Variants in KRT73 observed in about 807,000 individuals in gnomAD.
The protein encoded by KRT73 is keratin, type II cytoskeletal 73.
Under a neutral mutation model 47.2 loss-of-function variants are expected in KRT73, and 44 were observed. That is an observed-to-expected ratio of 0.93 (90% CI 0.73 to 1.20). KRT73 has a LOEUF of 1.20. Among genes scored for constraint, KRT73 ranks in the 50% most tolerant of loss-of-function variants. KRT73 has a pLI of 0.00. For missense variants in KRT73, 713 were observed against 704.5 expected (o/e 1.01, Z -0.14); for synonymous variants, 285 against 291.3 (o/e 0.98, Z 0.22).
rs111374016 is a variant in KRT73 at position 52,610,742 on chromosome 12, C to A, written c.1204G>T (p.Ala402Ser). The A allele has an allele frequency of 6.2e-7, 1 of 1,613,908 alleles. No individual in the cohort carries two copies. The highest frequency in any genetic ancestry group is 1.1e-5 in the South Asian group (1 of 91,064). Residue 402 changes from alanine to serine, a missense_variant, in exon 7 of 9, where the codon GCC becomes TCC. Physicochemically the swap from Ala to Ser is moderately conservative, Grantham distance 99 (BLOSUM62 1). Coordinates refer to ENST00000305748, the MANE Select transcript of KRT73 (RefSeq NM_175068.3). ...AGCTCCTCCTTGGCCTGCTGCAGGG[C>A]GCCCTCCAGCTCATCCAGCTTGGCC... ...ARAKLDELEG[A>S]LQQAKEELAR...
rs1281478945 is a variant in KRT73 at position 52,608,319 on chromosome 12, A to G, written c.1500T>C (p.Thr500=). 1 of 1,613,942 alleles carries G rather than the reference A, an allele frequency of 6.2e-7. No homozygotes were observed. The highest frequency in any genetic ancestry group is 8.5e-7 in the Non-Finnish European group (1 of 1,179,998). ...GYSMLPGGCV[T]GSGNCSPRGE... ...CACGGGGGCTACAGTTCCCACTGCC[A>G]GTGACACAGCCCCCAGGCAGCATGC... The change falls in exon 9 of 9, where the codon ACT becomes ACC. Residue 500 remains threonine (T), a synonymous_variant. Transcript: ENST00000305748.
chr12:52,630,091 A>C, the KRT73 span, among the ~76,000 whole-genome samples: 1 of 152,172 alleles, frequency 6.6e-6, no homozygotes, highest in Non-Finnish European at 1.5e-5. Flanking sequence ...CAAGTGAGGG[A>C]AAGTCTAGAG....
chr12:52,614,397 C>T (rs1188211888), intron 4 of KRT73, 182 bp downstream of exon 4: 7 of 536,136 alleles, frequency 1.3e-5, no homozygotes, highest in Non-Finnish European at 2.0e-5. Context: ...ATCCTCAGGG[C>T]AGTCAGGGAT....
At chr12:52,626,688 C>A in the KRT73 span, among the ~76,000 whole-genome samples, 1 of 152,236 alleles carries the variant, frequency 6.6e-6, no homozygotes, top group East Asian at 1.9e-4. Flanking sequence ...GGGGAGGCAC[C>A]CAGCAGGCTC....
upstream of KRT73, among the ~76,000 whole-genome samples, chr12:52,619,972 C>A (rs776549307): frequency 2.6e-5 from 4 of 152,034 alleles, no homozygotes; most frequent in Non-Finnish European, 5.9e-5. Flanking sequence ...TTCAACCTCC[C>A]CTCTGTTTTA....
Position 52,616,330 on chromosome 12 carries a change from C to G in KRT73, c.498G>C (p.Leu166=), listed in dbSNP as rs151331642. Residue 166 remains leucine (L), a synonymous_variant, in exon 2 of 9, where the codon CTG becomes CTC. Coordinates refer to ENST00000305748, the MANE Select transcript of KRT73 (RefSeq NM_175068.3). The stretch of plus-strand genomic sequence containing the variant: ...AGTTGTTCAGGTCCAGCTGCTGTAG[C>G]AGCTCCCACTTGGTCTCCAGCACCT... ...QNQVLETKWE[L]LQQLDLNNCK... 31 of 1,614,090 alleles carry G rather than the reference C, an allele frequency of 1.9e-5. No individual in the cohort carries two copies. Among genetic ancestry groups the G allele is most frequent in the Non-Finnish European group, 2.5e-5 (29 of 1,180,052 alleles).
At chr12:52,621,311 AAG>A (rs1028030597), upstream of KRT73, among the ~76,000 whole-genome samples, 6 of 150,140 alleles carry the variant, frequency 4.0e-5, no homozygotes, top group Non-Finnish European at 5.9e-5. Flanking sequence ...GGGAGAGAGA[AAG>A]AGAGAGAGAG....
chr12:52,618,219 C>G lies in KRT73; in HGVS notation c.306G>C (p.Gly102=), dbSNP rs148491349. 37 of 1,614,040 alleles carry G rather than the reference C, an allele frequency of 2.3e-5. No homozygotes were observed. The Middle Eastern group carries it at 4.9e-4, about 22-fold the overall frequency. ...TGTTGATGGTGACCTGATGGATACCCCCGGGCGGGCACAACGACGGACACA... is the reference window on the plus strand; with the variant it reads ...TGTTGATGGTGACCTGATGGATACCGCCGGGCGGGCACAACGACGGACACA... ...GSVCPSLCPP[G]GIHQVTINKS... Residue 102 remains glycine, a synonymous_variant, in exon 1 of 9, where the codon GGG becomes GGC. Coordinates refer to ENST00000305748, the MANE Select transcript of KRT73 (RefSeq NM_175068.3).
At position 52,617,544 on chromosome 12, in the gene KRT73, G is replaced by A. The variant is rs949208339; in HGVS notation, c.447+534C>T. Among the ~76,000 whole-genome samples, 5 of 152,172 alleles carry A rather than the reference G, an allele frequency of 3.3e-5. No individual in the cohort carries two copies. In the East Asian group the frequency reaches 9.6e-4, roughly 29 times the overall value. Reference sequence around the variant, plus strand: ...TGCCTCATAGGCTGTGTGTGTTACGGACTGAGTCTGAGCTTTCAGGGGACA... The same window carrying A: ...TGCCTCATAGGCTGTGTGTGTTACGAACTGAGTCTGAGCTTTCAGGGGACA... On this transcript the variant is annotated intron_variant, in intron 1 of 8. Transcript: ENST00000305748.
At position 52,608,452 on chromosome 12, in the gene KRT73, G is replaced by A. The variant is rs370258682; in HGVS notation, c.1367C>T (p.Ser456Leu). The A allele has an allele frequency of 4.0e-5, 64 of 1,606,378 alleles. No individual in the cohort carries two copies. Among genetic ancestry groups the A allele is most frequent in the African/African-American group, 8.0e-5 (6 of 74,832 alleles). Residue 456 changes from serine to leucine, a missense_variant and splice_region_variant, in exon 9 of 9, where the codon TCG becomes TTG. Ser to Leu is a moderately radical substitution (Grantham distance 145, BLOSUM62 -2). Transcript: ENST00000305748. Reference protein sequence around the residue: ...SGEYTNSVSISVINSSMAGMA... With the variant: ...SGEYTNSVSILVINSSMAGMA... ...CCCGGCCATGGAGCTGTTGATGACC[G>A]CTGCAGAGGAGGGAGGGACGAGTGA... is the stretch of plus-strand genomic sequence containing the variant.
At chr12:52,630,750 C>G in the KRT73 span, among the ~76,000 whole-genome samples, 1 of 152,206 alleles carries the variant, frequency 6.6e-6, no homozygotes, top group Non-Finnish European at 1.5e-5. Flanking sequence ...GCTCATCGAC[C>G]TCCATCTAAA....
the KRT73 span, among the ~76,000 whole-genome samples, chr12:52,623,681 A>C: frequency 6.6e-6 from 1 of 152,132 alleles, no homozygotes; most frequent in Admixed American, 6.5e-5. Context: ...TGAAATATTT[A>C]AGAAATTATA....
rs747492118 is a variant in KRT73, at chr12:52,610,693, T to C, written c.1253A>G (p.Gln418Arg). ...GGACAGCTTCACGCTCAAAAGCTCT[T>C]GGTACTCGCGCAGCATCCGTGCCAG... Reference protein sequence around the residue: ...EELARMLREYQELLSVKLSLD... With the variant: ...EELARMLREYRELLSVKLSLD... Residue 418 changes from glutamine (Q) to arginine (R), a missense_variant, in exon 7 of 9, where the codon CAA becomes CGA. Physicochemically the swap from Gln to Arg is conservative, Grantham distance 43 (BLOSUM62 1). Coordinates refer to ENST00000305748, the MANE Select transcript of KRT73 (RefSeq NM_175068.3). 2 of 1,613,888 alleles carry C rather than the reference T, an allele frequency of 1.2e-6. No homozygotes were observed. The highest frequency in any genetic ancestry group is 1.3e-5 in the African/African-American group (1 of 74,938).
the KRT73 span, among the ~76,000 whole-genome samples, chr12:52,630,449 G>A: frequency 2.0e-5 from 3 of 152,132 alleles, no homozygotes; most frequent in African/African-American, 7.2e-5. Flanking sequence ...TTGCCCTTCT[G>A]CTCTGCCTCC....
chr12:52,625,645 G>T, the KRT73 span, among the ~76,000 whole-genome samples: 3 of 152,154 alleles, frequency 2.0e-5, no homozygotes, highest in Non-Finnish European at 2.9e-5. Context: ...ATTTATCCCA[G>T]AGAAATGAAA....
At chr12:52,620,114 T>C (rs908919994), upstream of KRT73, among the ~76,000 whole-genome samples, 18 of 143,118 alleles carry the variant, frequency 1.3e-4, no homozygotes, top group Non-Finnish European at 2.3e-4. Context: ...TTTTTCTTTT[T>C]TTTTTTTTTT....
upstream of KRT73, among the ~76,000 whole-genome samples, chr12:52,622,129 A>G (rs577742067): frequency 6.6e-6 from 1 of 152,318 alleles, no homozygotes; most frequent in South Asian, 2.1e-4. Flanking sequence ...CCTCAAATTG[A>G]ATGAAAAAAA....
chr12:52,619,828 G>A (rs1940873238), upstream of KRT73, among the ~76,000 whole-genome samples: 2 of 152,102 alleles, frequency 1.3e-5, no homozygotes, highest in Non-Finnish European at 2.9e-5. Flanking sequence ...CCATAGTATA[G>A]AATTTCCTCC....
intron 3 of KRT73, 138 bp from the exon 4 acceptor site, chr12:52,614,812 G>T: frequency 1.5e-6 from 1 of 648,006 alleles, no homozygotes; most frequent in Admixed American, 3.1e-5. Flanking sequence ...CGGCCTTCCA[G>T]CCACAACTTC....
Sources: gnomAD v4.1 joint callset for allele counts (sites outside exome capture counted in the v4.1 genomes callset) on GRCh38, gnomAD v4.1.1 for gene constraint, MANE v1.5 for transcripts, NCBI Gene and HGNC (gene_info 2026-07-23, HGNC 2026-07-21) for gene names.